Variants in PTAFR observed in about 807,000 individuals in gnomAD.
PTAFR encodes platelet activating factor receptor, also known as platelet-activating factor receptor.
A neutral mutation model predicts 14.7 loss-of-function variants in PTAFR; 8 were observed. That is an observed-to-expected ratio of 0.54 (90% CI 0.32 to 0.98). PTAFR has a LOEUF of 0.98. Ranked by LOEUF, PTAFR falls within the 50% of genes least tolerant of loss-of-function variation. The pLI is 0.04. For missense variants in PTAFR, 337 were observed against 451.2 expected (o/e 0.75, Z 2.29); for synonymous variants, 156 against 176.5 (o/e 0.88, Z 0.92).
chr1:28,162,829 CAAAAAAA>C (rs529755155), intron 1 of PTAFR, among the ~76,000 whole-genome samples: 3 of 59,162 alleles, frequency 5.1e-5, no homozygotes, highest in African/African-American at 6.7e-5. Flanking sequence ...ACTTTGTCTC[CAAAAAAA>C]AAAAAAAAAA....
At chr1:28,160,581 G>C (rs1464328026) in intron 1 of PTAFR, among the ~76,000 whole-genome samples, 2 of 118,974 alleles carry the variant, frequency 1.7e-5, no homozygotes, top group Non-Finnish European at 3.3e-5. Context: ...ACACACACGA[G>C]AATAAAATAT....
chr1:28,190,522 G>A (rs1646643477), intron 1 of PTAFR, among the ~76,000 whole-genome samples: 1 of 152,076 alleles, frequency 6.6e-6, no homozygotes, highest in Admixed American at 6.6e-5. Flanking sequence ...GCCTGAGATT[G>A]GCAAAGAGAA....
intron 1 of PTAFR, among the ~76,000 whole-genome samples, chr1:28,155,040 G>A (rs1440022201): frequency 6.6e-6 from 1 of 152,088 alleles, no homozygotes; most frequent in Non-Finnish European, 1.5e-5. Context: ...CTGACCTCCA[G>A]CTGCCACTCC....
chr1:28,173,330 G>T (rs556564298), intron 1 of PTAFR, among the ~76,000 whole-genome samples: 86 of 148,790 alleles, frequency 5.8e-4, no homozygotes, highest in African/African-American at 2.1e-3. Flanking sequence ...TGTAGGCCAG[G>T]CATGGTGGCT....
At chr1:28,187,494 C>A (rs1044202194) in intron 1 of PTAFR, among the ~76,000 whole-genome samples, 2 of 152,096 alleles carry the variant, frequency 1.3e-5, no homozygotes, top group South Asian at 2.1e-4. Context: ...TCTTTATGAT[C>A]TAGGGGTGAG....
intron 1 of PTAFR, among the ~76,000 whole-genome samples, chr1:28,173,131 T>G (rs1213204207): frequency 4.1e-5 from 6 of 146,694 alleles, no homozygotes; most frequent in Non-Finnish European, 6.0e-5. Flanking sequence ...AAAAAAAAGT[T>G]TTTTAAATTA....
chr1:28,190,937 G>A (rs1169868630), intron 1 of PTAFR, among the ~76,000 whole-genome samples: 1 of 152,238 alleles, frequency 6.6e-6, no homozygotes, highest in African/African-American at 2.4e-5. Flanking sequence ...GAGCCTCAGA[G>A]TCTTCATCTG....
At chr1:28,180,885 G>T (rs1296988978), upstream of PTAFR, among the ~76,000 whole-genome samples, 1 of 151,850 alleles carries the variant, frequency 6.6e-6, no homozygotes, top group Non-Finnish European at 1.5e-5. Flanking sequence ...AGAGTATGAA[G>T]AAAAAAGAAA....
Position 28,149,602 on chromosome 1 carries a change from G to A in PTAFR, c.*391C>T, listed in dbSNP as rs1045731139. 4 of 192,664 alleles carry A rather than the reference G, an allele frequency of 2.1e-5. No homozygotes were observed. The highest frequency in any genetic ancestry group is 4.4e-5 in the Non-Finnish European group (4 of 91,908). 11.9% of individuals were successfully genotyped at this position (192,664 alleles called of 1,614,324 possible). A position where few individuals can be genotyped will look rare whatever the true frequency, so the allele number is the denominator to read the frequency against. On this transcript the variant is annotated 3_prime_UTR_variant, in exon 2 of 2. Transcript: ENST00000373857. ...CCACCTCGGCCTCCCAAAGTGCTGG[G>A]ATTACAGGTGTGAGCCACTGCGCCC... is the stretch of plus-strand genomic sequence containing the variant.
chr1:28,167,567 G>T (rs974854191), intron 1 of PTAFR, among the ~76,000 whole-genome samples: 1 of 143,248 alleles, frequency 7.0e-6, no homozygotes, highest in Non-Finnish European at 1.5e-5. Flanking sequence ...ACTAAAATTA[G>T]AATGATTATA....
At chr1:28,189,221 T>C (rs1261711086) in intron 1 of PTAFR, among the ~76,000 whole-genome samples, 1 of 137,088 alleles carries the variant, frequency 7.3e-6, no homozygotes, top group Non-Finnish European at 1.6e-5. Flanking sequence ...ACCAAAAATA[T>C]TAAACACAGA....
chr1:28,170,086 CCAGA>C (rs887030370), intron 1 of PTAFR, among the ~76,000 whole-genome samples: 1 of 152,154 alleles, frequency 6.6e-6, no homozygotes, highest in Non-Finnish European at 1.5e-5. Context: ...CTTCCCTACC[CCAGA>C]CAGAGTTGGA....
chr1:28,173,160 C>A (rs1363022678), intron 1 of PTAFR, among the ~76,000 whole-genome samples: 4 of 149,650 alleles, frequency 2.7e-5, no homozygotes, highest in African/African-American at 7.4e-5. Context: ...TGGTGGCATG[C>A]GCCTGTAGTC....
chr1:28,191,630 A>G (rs1646653443), intron 1 of PTAFR, among the ~76,000 whole-genome samples: 1 of 151,768 alleles, frequency 6.6e-6, no homozygotes. Context: ...TCCTAGAGTA[A>G]CTCAGGCTTC....
At chr1:28,188,412 C>T (rs368925851) in intron 1 of PTAFR, among the ~76,000 whole-genome samples, 3 of 152,130 alleles carry the variant, frequency 2.0e-5, no homozygotes, top group African/African-American at 7.2e-5. Context: ...TGCCACTGCA[C>T]GCCAGCCTGG....
At position 28,150,018 on chromosome 1, in the gene PTAFR, A is replaced by G. The variant is rs753108371; in HGVS notation, c.1004T>C (p.Ile335Thr). The G allele has an allele frequency of 2.5e-6, 4 of 1,613,462 alleles. No individual in the cohort carries two copies. Among genetic ancestry groups the G allele is most frequent in the Admixed American group, 1.7e-5 (1 of 59,970 alleles). The change falls in exon 2 of 2, where the codon ATC (isoleucine) becomes ACC (threonine). Residue 335 changes from isoleucine (I) to threonine (T), a missense_variant. Coordinates refer to ENST00000373857, the MANE Select transcript of PTAFR (RefSeq NM_000952.5). The surrounding 1 kb of genome is among the most constrained non-coding windows in gnomAD (Gnocchi z 6.3). ...VTEVVVPFNQIPGNSLKN is the reference protein window; with the variant it reads ...VTEVVVPFNQTPGNSLKN ...CTAATTTTTGAGGGAATTGCCAGGG[A>G]TCTGGTTGAATGGCACAACCACTTC...
At chr1:28,157,824 G>T (rs1305855606) in intron 1 of PTAFR, among the ~76,000 whole-genome samples, 1 of 151,068 alleles carries the variant, frequency 6.6e-6, no homozygotes, top group Non-Finnish European at 1.5e-5. Context: ...TAGAGATGGG[G>T]TTTCACCATG....
intron 1 of PTAFR, among the ~76,000 whole-genome samples, chr1:28,163,100 T>G (rs1479067088): frequency 6.6e-6 from 1 of 152,164 alleles, no homozygotes; most frequent in Non-Finnish European, 1.5e-5. Flanking sequence ...CTCAAATCTC[T>G]TTGCCTTTCC....
intron 1 of PTAFR, among the ~76,000 whole-genome samples, chr1:28,172,244 G>T (rs1392512229): frequency 1.3e-5 from 2 of 152,138 alleles, no homozygotes; most frequent in Non-Finnish European, 2.9e-5. Context: ...TCAAACTCCT[G>T]ATCTCAGGTG....
Sources: allele counts gnomAD v4.1 joint callset (sites outside exome capture counted in the v4.1 genomes callset), GRCh38; gene constraint gnomAD v4.1.1; non-coding constraint Gnocchi (gnomAD v3.1); transcripts MANE v1.5; gene names NCBI Gene and HGNC (gene_info 2026-07-23, HGNC 2026-07-21).